FAAH2: variants seen among roughly 807,000 people sequenced by gnomAD.
The protein encoded by FAAH2 is fatty acid amide hydrolase 2, also known as fatty-acid amide hydrolase 2.
Under a neutral mutation model 36.9 loss-of-function variants are expected in FAAH2, and 60 were observed. That is an observed-to-expected ratio of 1.63 (90% confidence interval 1.32 to 2.02). The LOEUF (loss-of-function observed/expected upper bound fraction) is 2.02. Ranked by LOEUF, FAAH2 falls within the 30% of genes most tolerant of loss-of-function variation. FAAH2 has a pLI of 0.00. For missense variants in FAAH2, 689 were observed against 397.5 expected, an observed-to-expected ratio of 1.73 and a Z score of -6.23; for synonymous variants, 214 against 143.8, an observed-to-expected ratio of 1.49 and a Z score of -3.49.
At chrX:57,446,288 C>A (rs2056672522) in intron 8 of FAAH2, among the ~76,000 whole-genome samples, 1 of 111,842 alleles carries the variant, frequency 8.9e-6, no homozygotes, top group African/African-American at 3.2e-5. Flanking sequence ...TGTGATTGCT[C>A]ATTTTATTGG....
chrX:57,360,619 A>G (rs1004454111), intron 5 of FAAH2, among the ~76,000 whole-genome samples: 1 of 111,222 alleles, frequency 9.0e-6, no homozygotes, highest in Non-Finnish European at 1.9e-5. Flanking sequence ...ATTCTTTATC[A>G]GATAATTCAT....
intron 3 of FAAH2, among the ~76,000 whole-genome samples, chrX:57,328,416 G>GT (rs771034872): frequency 2.0e-4 from 22 of 111,221 alleles, no homozygotes; most frequent in African/African-American, 4.6e-4. Flanking sequence ...GGTTGATTGT[G>GT]TTTTTTTTCT....
intron 8 of FAAH2, among the ~76,000 whole-genome samples, chrX:57,435,923 C>T (rs1355845536): frequency 9.0e-6 from 1 of 111,153 alleles, no homozygotes; most frequent in Non-Finnish European, 1.9e-5. Flanking sequence ...GAACATTCTC[C>T]AAGATAGACC....
intron 4 of FAAH2, among the ~76,000 whole-genome samples, chrX:57,337,411 C>T (rs781421670): frequency 1.8e-5 from 2 of 110,930 alleles, no homozygotes; most frequent in African/African-American, 6.5e-5. Context: ...TTTTATGAGG[C>T]CAGCATCATC....
chrX:57,443,437 G>A (rs747454226), intron 8 of FAAH2, among the ~76,000 whole-genome samples: 10 of 111,993 alleles, frequency 8.9e-5, no homozygotes, highest in African/African-American at 3.2e-4. Flanking sequence ...CGTAGTTCTC[G>A]TGCCATGGTT....
chrX:57,149,834 T>A, the FAAH2 span, among the ~76,000 whole-genome samples: 2 of 111,711 alleles, frequency 1.8e-5, no homozygotes, highest in African/African-American at 6.5e-5. Context: ...CTTTTCTACT[T>A]CTTTTAATTG....
chrX:57,430,105 G>A (rs752068329), intron 7 of FAAH2, among the ~76,000 whole-genome samples: 1 of 111,322 alleles, frequency 9.0e-6, no homozygotes, highest in South Asian at 3.8e-4. Flanking sequence ...TAGGTTGATG[G>A]CTACACTGAA....
At chrX:57,162,199 T>A in the FAAH2 span, among the ~76,000 whole-genome samples, 1 of 112,112 alleles carries the variant, frequency 8.9e-6, no homozygotes, top group South Asian at 3.7e-4. Context: ...CCCAATCTCT[T>A]CTGGTTTGTA....
intron 10 of FAAH2, among the ~76,000 whole-genome samples, chrX:57,474,384 G>C (rs760455142): frequency 9.1e-6 from 1 of 110,267 alleles, no homozygotes; most frequent in Non-Finnish European, 1.9e-5. Context: ...ACAGGCCTCA[G>C]TGTGTGATTT....
chrX:57,212,438 G>C, the FAAH2 span, among the ~76,000 whole-genome samples: 10 of 111,752 alleles, frequency 8.9e-5, no homozygotes, highest in African/African-American at 9.8e-5. Context: ...ACAGGATACA[G>C]GTGAAATCTG....
At chrX:57,289,964 C>T (rs1228579284) in intron 1 of FAAH2, among the ~76,000 whole-genome samples, 2 of 110,928 alleles carry the variant, frequency 1.8e-5, no homozygotes, top group Admixed American at 9.7e-5. Context: ...ATTTCTCTTA[C>T]GACAGCAAGG....
At chrX:57,304,735 T>A (rs2052470890) in intron 2 of FAAH2, among the ~76,000 whole-genome samples, 1 of 111,931 alleles carries the variant, frequency 8.9e-6, no homozygotes, top group Admixed American at 9.5e-5. Context: ...GCGAACAATG[T>A]CTGCAACTCT....
intron 7 of FAAH2, chrX:57,395,473 A>T: frequency 2.1e-6 from 1 of 486,937 alleles, no homozygotes; most frequent in Non-Finnish European, 3.6e-6. Context: ...CTTAGGAGGA[A>T]TGCTTTAACC....
chrX:57,310,790 C>T, intron 3 of FAAH2, 61 bp downstream of exon 3: 2 of 1,093,608 alleles, frequency 1.8e-6, no homozygotes, highest in Non-Finnish European at 2.4e-6. Context: ...ATTTTCTAAA[C>T]TTATAAACTA....
the FAAH2 span, among the ~76,000 whole-genome samples, chrX:57,169,869 A>AACAC: frequency 6.2e-4 from 63 of 101,699 alleles, no homozygotes; most frequent in African/African-American, 1.2e-3. Flanking sequence ...TCTCCTTCTA[A>AACAC]ACACACACAC....
intron 7 of FAAH2, among the ~76,000 whole-genome samples, chrX:57,420,510 G>C (rs1808069683): frequency 9.0e-6 from 1 of 111,162 alleles, no homozygotes; most frequent in African/African-American, 3.3e-5. Context: ...CTGATGATTT[G>C]GCTCTCTGTT....
chrX:57,358,504 G>A (rs1352431504), intron 5 of FAAH2, among the ~76,000 whole-genome samples: 1 of 111,092 alleles, frequency 9.0e-6, no homozygotes, highest in African/African-American at 3.3e-5. Flanking sequence ...TTATAGTGCT[G>A]CATTTTGCAA....
At chrX:57,284,917 G>T (rs2051789202), upstream of FAAH2, among the ~76,000 whole-genome samples, 1 of 112,016 alleles carries the variant, frequency 8.9e-6, no homozygotes, top group Non-Finnish European at 1.9e-5. Flanking sequence ...TTTGGATTCA[G>T]GTCTGTCTGG....
chrX:57,218,885 A>T, the FAAH2 span, among the ~76,000 whole-genome samples: 1 of 111,432 alleles, frequency 9.0e-6, no homozygotes, highest in Admixed American at 9.5e-5. Flanking sequence ...GCTGCTTGTT[A>T]TTGGTCTCTT....
Sources: gnomAD v4.1 joint callset for allele counts (sites outside exome capture counted in the v4.1 genomes callset) on GRCh38, gnomAD v4.1.1 for gene constraint, MANE v1.5 for transcripts, NCBI Gene and HGNC (gene_info 2026-07-23, HGNC 2026-07-21) for gene names.